CNTNAP5: variants seen among roughly 807,000 people sequenced by gnomAD.
The protein encoded by CNTNAP5 is contactin-associated protein-like 5.
In CNTNAP5, 72 loss-of-function variants were observed where a neutral mutation model predicts 150.2. That is an observed-to-expected ratio of 0.48 (90% CI 0.40 to 0.58). The LOEUF is 0.58. Ranked by LOEUF, CNTNAP5 falls within the 20% of genes least tolerant of loss-of-function variation. CNTNAP5 has a pLI of 0.00. For missense variants in CNTNAP5, 1,636 were observed against 1,626.2 expected (o/e 1.01, Z -0.10); for synonymous variants, 672 against 619.8 (o/e 1.08, Z -1.25).
intron 13 of CNTNAP5, among the ~76,000 whole-genome samples, chr2:124,662,891 G>A (rs1191384160): frequency 6.6e-6 from 1 of 151,920 alleles, no homozygotes; most frequent in Non-Finnish European, 1.5e-5. Context: ...TGTTTTTTCT[G>A]GTTCCTAAAT....
intron 3 of CNTNAP5, among the ~76,000 whole-genome samples, chr2:124,404,162 T>G (rs1691506249): frequency 6.6e-6 from 1 of 152,164 alleles, no homozygotes. Flanking sequence ...TTAGGCAAGG[T>G]GGTGTGTTTG....
intron 6 of CNTNAP5, among the ~76,000 whole-genome samples, chr2:124,473,970 G>T (rs1466778522): frequency 1.3e-5 from 2 of 151,916 alleles, no homozygotes; most frequent in South Asian, 2.1e-4. Flanking sequence ...TGTAATTGCG[G>T]TTTTTGCCAT....
At chr2:124,900,491 T>C (rs957500013) in intron 21 of CNTNAP5, among the ~76,000 whole-genome samples, 1 of 151,560 alleles carries the variant, frequency 6.6e-6, no homozygotes, top group African/African-American at 2.4e-5. Flanking sequence ...TTTCTGTCCT[T>C]ATAGTACATC....
intron 19 of CNTNAP5, among the ~76,000 whole-genome samples, chr2:124,810,110 A>G (rs887836453): frequency 1.5e-4 from 23 of 152,312 alleles, no homozygotes; most frequent in Middle Eastern, 3.4e-3. Context: ...GACTTCCTAA[A>G]TATCTTTCCT....
Position 124,687,530 on chromosome 2 carries a change from T to A in CNTNAP5, c.2077+39572T>A, listed in dbSNP as rs1291809217. Among the ~76,000 whole-genome samples the A allele has an allele frequency of 2.2e-4, 33 of 152,048 alleles. 1 individual carries two copies. The highest frequency in any genetic ancestry group is 2.2e-3 in the Admixed American group (33 of 15,236). ...GTTTCCTTTTCACACGGAATTACAT[T>A]TTTCTTAACTTCCTCTCTTGAGTGC... On this transcript the variant is annotated intron_variant, in intron 13 of 23. Coordinates refer to ENST00000682447, the MANE Select transcript of CNTNAP5 (RefSeq NM_001367498.1).
chr2:124,434,446 G>A (rs756086464), intron 4 of CNTNAP5, 38 bp from the exon 5 acceptor site: 49 of 1,436,728 alleles, frequency 3.4e-5, no homozygotes, highest in Non-Finnish European at 4.8e-5. Flanking sequence ...ATGAGAATAT[G>A]CACTAATTTT....
At chr2:124,308,297 A>T (rs374598423) in intron 3 of CNTNAP5, among the ~76,000 whole-genome samples, 1 of 151,888 alleles carries the variant, frequency 6.6e-6, no homozygotes, top group African/African-American at 2.4e-5. Flanking sequence ...TCACACCCCA[A>T]CTCTGCTTAC....
chr2:124,057,482 G>A (rs1362671486), intron 1 of CNTNAP5, among the ~76,000 whole-genome samples: 1 of 73,340 alleles, frequency 1.4e-5, no homozygotes, highest in Non-Finnish European at 2.5e-5. Context: ...AGTAGAGATG[G>A]GGTTTCACCG....
chr2:124,243,794 A>C (rs1206001724), intron 3 of CNTNAP5, among the ~76,000 whole-genome samples: 1 of 151,968 alleles, frequency 6.6e-6, no homozygotes, highest in African/African-American at 2.4e-5. Flanking sequence ...CTGCCCATGT[A>C]CCCCTTGAAC....
intron 2 of CNTNAP5, among the ~76,000 whole-genome samples, chr2:124,234,883 G>A (rs1686710191): frequency 6.6e-6 from 1 of 152,164 alleles, no homozygotes; most frequent in South Asian, 2.1e-4. Flanking sequence ...ACACACCAGT[G>A]TGAAGCCAGG....
chr2:124,212,687 C>T (rs553981332), intron 1 of CNTNAP5, among the ~76,000 whole-genome samples: 5 of 152,212 alleles, frequency 3.3e-5, no homozygotes, highest in South Asian at 2.1e-4. Flanking sequence ...GCACAGTCCT[C>T]GACTTCTGAT....
chr2:124,436,105 G>A (rs769553116), intron 5 of CNTNAP5, among the ~76,000 whole-genome samples: 7 of 152,204 alleles, frequency 4.6e-5, no homozygotes, highest in Non-Finnish European at 1.0e-4. Context: ...GATGAATGAA[G>A]TTGAACCTCC....
intron 3 of CNTNAP5, among the ~76,000 whole-genome samples, chr2:124,388,774 G>A (rs955251010): frequency 1.4e-4 from 22 of 152,076 alleles, no homozygotes; most frequent in African/African-American, 5.1e-4. Flanking sequence ...TCCGCCTTCC[G>A]GATTCAAGTG....
intron 10 of CNTNAP5, among the ~76,000 whole-genome samples, chr2:124,562,237 C>A (rs1002288352): frequency 1.3e-5 from 2 of 152,118 alleles, no homozygotes; most frequent in African/African-American, 4.8e-5. Context: ...GTTTATAAAG[C>A]CTGTGTTTTA....
chr2:124,536,865 G>GCAATAT (rs1695243743), intron 10 of CNTNAP5, among the ~76,000 whole-genome samples: 2 of 152,170 alleles, frequency 1.3e-5, no homozygotes, highest in African/African-American at 4.8e-5. Flanking sequence ...CATATTGGAA[G>GCAATAT]GGCTGTCTTG....
In CNTNAP5 at chr2:124,242,264, C is replaced by T. The variant is rs749040103; in HGVS notation, c.252C>T (p.Asn84=). The T allele has an allele frequency of 1.2e-6, 2 of 1,607,778 alleles. No homozygotes were observed. Among genetic ancestry groups the T allele is most frequent in the Non-Finnish European group, 8.5e-7 (1 of 1,176,984 alleles). Residue 84 remains asparagine (N), a synonymous_variant, in exon 3 of 24, where the codon AAC becomes AAT. Transcript: ENST00000682447. ...AQQWLQMDLG[N]RVEITAVATQ... ...AGTGGCTCCAGATGGACCTGGGAAA[C>T]AGAGTAGAGATTACAGCAGTGGCCA...
intron 11 of CNTNAP5, among the ~76,000 whole-genome samples, chr2:124,575,694 G>A (rs1477425801): frequency 1.3e-5 from 2 of 152,084 alleles, no homozygotes; most frequent in East Asian, 1.9e-4. Context: ...ATCTTTCTCT[G>A]GCATTAGGTT....
chr2:124,910,575 G>C (rs1398912947), intron 22 of CNTNAP5, among the ~76,000 whole-genome samples: 1 of 151,952 alleles, frequency 6.6e-6, no homozygotes, highest in Non-Finnish European at 1.5e-5. Context: ...GCAGAGAGGA[G>C]TAATAGAAAG....
rs142425646 is a variant in CNTNAP5 at position 124,029,628 on chromosome 2, C to G, written c.82+3896C>G. Among the ~76,000 whole-genome samples, 430 of 152,140 alleles carry G rather than the reference C, an allele frequency of 2.8e-3. 1 individual carries two copies. Among genetic ancestry groups the G allele is most frequent in the African/African-American group, 9.1e-3 (377 of 41,536 alleles). The stretch of plus-strand genomic sequence containing the variant: ...GCTTTATTTTTGTTCTAATGAATGA[C>G]TATCCTCTAAATTGCAGTTTTCTTT... On this transcript the variant is annotated intron_variant, in intron 1 of 23. Coordinates refer to ENST00000682447, the MANE Select transcript of CNTNAP5 (RefSeq NM_001367498.1).
Sources: gnomAD v4.1 joint callset for allele counts (sites outside exome capture counted in the v4.1 genomes callset) on GRCh38, gnomAD v4.1.1 for gene constraint, MANE v1.5 for transcripts, NCBI Gene and HGNC (gene_info 2026-07-23, HGNC 2026-07-21) for gene names.